Variants in CNBD1 observed in about 807,000 individuals in gnomAD.
CNBD1 encodes cyclic nucleotide-binding domain-containing protein 1.
A neutral mutation model predicts 54.4 loss-of-function variants in CNBD1; 71 were observed. The observed-to-expected ratio is 1.30, with a 90% confidence interval of 1.08 to 1.59. CNBD1 has a LOEUF of 1.59. CNBD1 is among the 40% of genes most tolerant of loss of function. CNBD1 has a pLI of 0.00. For missense variants in CNBD1, 659 were observed against 518.0 expected (o/e 1.27, Z -2.64); for synonymous variants, 182 against 170.7 (o/e 1.07, Z -0.51).
chr8:87,120,104 G>T (rs1020192001), intron 4 of CNBD1, among the ~76,000 whole-genome samples: 3 of 152,002 alleles, frequency 2.0e-5, no homozygotes, highest in African/African-American at 7.2e-5. Flanking sequence ...AATGAGTTAG[G>T]GAAAATTACC....
chr8:87,226,010 T>G (rs1814479232), intron 5 of CNBD1, among the ~76,000 whole-genome samples: 1 of 151,496 alleles, frequency 6.6e-6, no homozygotes, highest in South Asian at 2.1e-4. Flanking sequence ...TCTTCTAGAT[T>G]TTCTAGTTTA....
intron 4 of CNBD1, among the ~76,000 whole-genome samples, chr8:87,153,733 C>T (rs1420341200): frequency 1.3e-5 from 2 of 152,096 alleles, no homozygotes; most frequent in Non-Finnish European, 2.9e-5. Flanking sequence ...CATGAGTGAG[C>T]AGAGTAGATG....
chr8:87,146,996 A>G lies in CNBD1; in HGVS notation c.432-58997A>G, dbSNP rs75585343. Among the ~76,000 whole-genome samples the G allele has an allele frequency of 5.4e-3, 825 of 152,276 alleles. 16 individuals carry two copies. The highest frequency in any genetic ancestry group is 0.019 in the African/African-American group (794 of 41,572). On this transcript the variant is annotated intron_variant, in intron 4 of 10. Coordinates refer to ENST00000518476, the MANE Select transcript of CNBD1 (RefSeq NM_173538.3). ...TGATACTTAAAATAAAATTGGAATC[A>G]GTTGCTTGTCTGCAAAATCCTCCCT...
At chr8:87,148,318 T>C (rs905816670) in intron 4 of CNBD1, among the ~76,000 whole-genome samples, 1 of 152,220 alleles carries the variant, frequency 6.6e-6, no homozygotes, top group Non-Finnish European at 1.5e-5. Flanking sequence ...GATGGCGTGA[T>C]TTGTCATTAA....
intron 4 of CNBD1, among the ~76,000 whole-genome samples, chr8:87,197,215 T>C (rs1813741193): frequency 6.6e-6 from 1 of 152,172 alleles, no homozygotes; most frequent in Non-Finnish European, 1.5e-5. Flanking sequence ...CTGAAGTATT[T>C]CCTACAGTGA....
At chr8:87,309,597 A>G (rs10096118) in intron 8 of CNBD1, among the ~76,000 whole-genome samples, 1,610 of 152,232 alleles carry the variant, frequency 0.011, 37 homozygotes, top group African/African-American at 0.037. Context: ...GTTTTTGTAG[A>G]CTTCCATAAA....
At chr8:87,330,025 G>A (rs1263791569) in intron 8 of CNBD1, among the ~76,000 whole-genome samples, 1 of 151,810 alleles carries the variant, frequency 6.6e-6, no homozygotes, top group Non-Finnish European at 1.5e-5. Flanking sequence ...TTAACTGTAG[G>A]GTTTTTGTAG....
At chr8:87,390,751 G>A (rs62528167) in intron 2 of CNBD1, among the ~76,000 whole-genome samples, 6,552 of 151,902 alleles carry the variant, frequency 0.043, 184 homozygotes, top group Non-Finnish European at 0.059. Flanking sequence ...GTATATACCC[G>A]AAGGCTTATA....
intron 4 of CNBD1, among the ~76,000 whole-genome samples, chr8:87,081,727 C>T (rs1044140792): frequency 7.2e-5 from 11 of 151,836 alleles, no homozygotes; most frequent in African/African-American, 1.2e-4. Flanking sequence ...AGGATGGTCT[C>T]GATCTCTTGA....
At chr8:87,027,257 G>GTTTTAT (rs1175349769) in intron 4 of CNBD1, among the ~76,000 whole-genome samples, 1 of 151,968 alleles carries the variant, frequency 6.6e-6, no homozygotes. Flanking sequence ...TCCCATGGCA[G>GTTTTAT]TTTTATTTTT....
intron 10 of CNBD1, among the ~76,000 whole-genome samples, chr8:87,362,089 A>G (rs1157874451): frequency 6.6e-6 from 1 of 152,060 alleles, no homozygotes; most frequent in Non-Finnish European, 1.5e-5. Context: ...CTTACTTAAA[A>G]TCTACTTCAA....
At chr8:87,224,953 C>G (rs1814443738) in intron 5 of CNBD1, among the ~76,000 whole-genome samples, 1 of 152,118 alleles carries the variant, frequency 6.6e-6, no homozygotes, top group Admixed American at 6.5e-5. Flanking sequence ...TGAAGAGGTC[C>G]TTCACATCCC....
intron 5 of CNBD1, among the ~76,000 whole-genome samples, chr8:87,224,822 A>T (rs1814440275): frequency 6.6e-6 from 1 of 150,640 alleles, no homozygotes; most frequent in African/African-American, 2.5e-5. Context: ...GAATCTGTAA[A>T]TTACCTTGGG....
intron 4 of CNBD1, among the ~76,000 whole-genome samples, chr8:87,161,014 T>C (rs1001441073): frequency 2.6e-5 from 4 of 152,124 alleles, no homozygotes; most frequent in Admixed American, 1.3e-4. Context: ...TTGTCTTCAT[T>C]GTTATCATCA....
intron 1 of CNBD1, among the ~76,000 whole-genome samples, chr8:86,867,353 A>G (rs933664229): frequency 8.5e-5 from 13 of 152,204 alleles, no homozygotes; most frequent in Admixed American, 7.9e-4. Flanking sequence ...TCAATAAAGC[A>G]TTAACTCTTA....
intron 2 of CNBD1, among the ~76,000 whole-genome samples, chr8:86,897,629 C>G (rs1334530442): frequency 1.3e-5 from 2 of 152,190 alleles, no homozygotes; most frequent in African/African-American, 4.8e-5. Flanking sequence ...CCAGAAATGT[C>G]ACCAGTAACA....
chr8:86,993,941 C>T (rs1460299933), intron 4 of CNBD1, among the ~76,000 whole-genome samples: 1 of 152,192 alleles, frequency 6.6e-6, no homozygotes, highest in African/African-American at 2.4e-5. Flanking sequence ...TACCTGTGCA[C>T]TTCCTTTGTT....
chr8:87,175,653 G>A (rs1341018067), intron 4 of CNBD1, among the ~76,000 whole-genome samples: 1 of 152,200 alleles, frequency 6.6e-6, no homozygotes, highest in Non-Finnish European at 1.5e-5. Flanking sequence ...GCTGAAGGAA[G>A]GGGTCTCTTT....
chr8:86,925,225 T>C (rs62529574), intron 3 of CNBD1, among the ~76,000 whole-genome samples: 48,390 of 151,966 alleles, frequency 0.32, 7,885 homozygotes, highest in East Asian at 0.38. Context: ...TGCCAACTTA[T>C]ATCCTGGAGC....
Sources: gnomAD v4.1 joint callset for allele counts (sites outside exome capture counted in the v4.1 genomes callset) on GRCh38, gnomAD v4.1.1 for gene constraint, MANE v1.5 for transcripts, NCBI Gene and HGNC (gene_info 2026-07-23, HGNC 2026-07-21) for gene names.